DNM3: variants seen among roughly 807,000 people sequenced by gnomAD.
DNM3 encodes dynamin 3.
DNM3 carries 47 observed loss-of-function variants against 101.6 expected under a neutral mutation model. The ratio of observed to expected loss-of-function variants is 0.46; its 90% CI spans 0.37 to 0.59. DNM3 has a LOEUF of 0.59. Ranked by LOEUF, DNM3 falls within the 20% of genes least tolerant of loss-of-function variation. The probability of loss-of-function intolerance (pLI) is 0.00; values close to 1 mark genes in which losing one functional copy is unlikely to be tolerated. For synonymous variants in DNM3, 385 were observed against 387.9 expected (o/e 0.99, Z 0.09); for missense variants, 849 against 1,085.7 (o/e 0.78, Z 3.06).
chr1:172,174,773 G>T (rs1429028765), intron 14 of DNM3, among the ~76,000 whole-genome samples: 1 of 151,664 alleles, frequency 6.6e-6, no homozygotes, highest in Non-Finnish European at 1.5e-5. Context: ...TCACAAATGG[G>T]TGAAGGATAT....
intron 15 of DNM3, among the ~76,000 whole-genome samples, chr1:172,291,166 A>G (rs549214515): frequency 2.0e-5 from 3 of 152,314 alleles, no homozygotes; most frequent in East Asian, 3.9e-4. Context: ...AAAATAATTC[A>G]AGATAACTCA....
intron 14 of DNM3, among the ~76,000 whole-genome samples, chr1:172,162,409 C>T (rs904362559): frequency 1.3e-5 from 2 of 151,812 alleles, no homozygotes; most frequent in Non-Finnish European, 2.9e-5. Context: ...AAATTCTGAC[C>T]TCCTGATTAA....
At position 172,217,741 on chromosome 1, in the gene DNM3, C is replaced by A. The variant is rs186549042; in HGVS notation, c.1660-35832C>A. 7.2e-5 allele frequency among the ~76,000 whole-genome samples: 11 copies of A among 152,182 alleles called. 1 individual carries two copies. The highest frequency in any genetic ancestry group is 2.6e-4 in the African/African-American group (11 of 41,538). On this transcript the variant is annotated intron_variant, in intron 14 of 20. Coordinates refer to ENST00000627582, the MANE Select transcript of DNM3 (RefSeq NM_015569.5). The stretch of plus-strand genomic sequence containing the variant: ...CAACCAAAGTTTATTCTATGGTTGA[C>A]TTCCTCTCAGGAAAAAGACTGAGAG...
At position 172,391,216 on chromosome 1, in the gene DNM3, T is replaced by C. The variant is rs562924588; in HGVS notation, c.2522+2407T>C. Among the ~76,000 whole-genome samples the C allele has an allele frequency of 1.1e-3, 160 of 151,908 alleles. 4 individuals carry two copies. In the South Asian group the frequency reaches 0.032, roughly 31 times the overall value. On this transcript the variant is annotated intron_variant, in intron 20 of 20. Transcript: ENST00000627582. ...TTACTTGATCTGGCCATGCAAAGAGTCCCAAATTTAAAACAGAAATGAAAG... is the reference window on the plus strand; with the variant it reads ...TTACTTGATCTGGCCATGCAAAGAGCCCCAAATTTAAAACAGAAATGAAAG...
intron 14 of DNM3, among the ~76,000 whole-genome samples, chr1:172,166,355 G>C (rs554053220): frequency 6.6e-6 from 1 of 152,098 alleles, no homozygotes; most frequent in African/African-American, 2.4e-5. Flanking sequence ...TCCAATTAAT[G>C]TATATTTTTA....
At chr1:172,164,068 G>A (rs1440618777) in intron 14 of DNM3, among the ~76,000 whole-genome samples, 8 of 151,660 alleles carry the variant, frequency 5.3e-5, no homozygotes, top group African/African-American at 1.9e-4. Context: ...AATGAATGTG[G>A]GGTTGAGACT....
intron 9 of DNM3, among the ~76,000 whole-genome samples, chr1:172,047,138 T>C (rs759480089): frequency 2.6e-5 from 4 of 152,166 alleles, no homozygotes; most frequent in Non-Finnish European, 5.9e-5. Context: ...TTTGATTCCA[T>C]TGGCTATTTG....
chr1:172,003,283 A>T (rs759246701), intron 4 of DNM3, among the ~76,000 whole-genome samples: 4 of 152,036 alleles, frequency 2.6e-5, no homozygotes, highest in Non-Finnish European at 5.9e-5. Flanking sequence ...TTTCCTATGC[A>T]ATTACATCTT....
chr1:172,017,146 C>T (rs992907868), intron 4 of DNM3, among the ~76,000 whole-genome samples: 5 of 152,068 alleles, frequency 3.3e-5, no homozygotes, highest in Admixed American at 3.3e-4. Context: ...ATTACTTAGT[C>T]TGGCTAGAGG....
At chr1:172,014,039 G>C (rs1295299497) in intron 4 of DNM3, among the ~76,000 whole-genome samples, 4 of 152,064 alleles carry the variant, frequency 2.6e-5, no homozygotes, top group East Asian at 1.9e-4. Flanking sequence ...CACCAGAGTG[G>C]TATATTGTAA....
At position 172,293,301 on chromosome 1, in the gene DNM3, G is replaced by A. The variant is rs1465988301; in HGVS notation, c.1770-15427G>A. Among the ~76,000 whole-genome samples the A allele has an allele frequency of 5.3e-5, 8 of 152,136 alleles. No individual in the cohort carries two copies. In the East Asian group the frequency reaches 7.7e-4, roughly 15 times the overall value. On this transcript the variant is annotated intron_variant, in intron 15 of 20. Coordinates refer to ENST00000627582, the MANE Select transcript of DNM3 (RefSeq NM_015569.5). The stretch of plus-strand genomic sequence containing the variant: ...AAAGGTATTCTTATGAAATGTTAAT[G>A]AAAGTTACACATACAGTCAAAACAT...
Position 171,947,615 on chromosome 1 carries a change from A to G in DNM3, c.235+25794A>G, listed in dbSNP as rs553721626. On this transcript the variant is annotated intron_variant, in intron 2 of 20. Coordinates refer to ENST00000627582, the MANE Select transcript of DNM3 (RefSeq NM_015569.5). Reference sequence around the variant, plus strand: ...CAATAACTTCCCTTAATATTTATGTAGAATTTCAGAATTTCTCTAAGTTAA... The same window carrying G: ...CAATAACTTCCCTTAATATTTATGTGGAATTTCAGAATTTCTCTAAGTTAA... 2.0e-5 allele frequency among the ~76,000 whole-genome samples: 3 copies of G among 152,290 alleles called. No individual in the cohort carries two copies. In the South Asian group the frequency reaches 6.2e-4, roughly 32 times the overall value.
chr1:172,319,047 C>T (rs1429305475), intron 16 of DNM3, among the ~76,000 whole-genome samples: 4 of 151,930 alleles, frequency 2.6e-5, no homozygotes, highest in African/African-American at 4.8e-5. Context: ...GAGATATAGA[C>T]CAATGGAACA....
chr1:172,193,412 T>C (rs2059816172), intron 14 of DNM3, among the ~76,000 whole-genome samples: 1 of 152,152 alleles, frequency 6.6e-6, no homozygotes, highest in South Asian at 2.1e-4. Flanking sequence ...TTTCTATTGA[T>C]TGGAATAGTT....
chr1:172,098,694 T>A (rs1192116334), intron 13 of DNM3, among the ~76,000 whole-genome samples: 1 of 152,180 alleles, frequency 6.6e-6, no homozygotes, highest in Non-Finnish European at 1.5e-5. Context: ...TGTAAGAAAT[T>A]ATAAAAGTAT....
At chr1:172,197,017 A>T (rs2059975932) in intron 14 of DNM3, among the ~76,000 whole-genome samples, 1 of 151,740 alleles carries the variant, frequency 6.6e-6, no homozygotes, top group East Asian at 1.9e-4. Flanking sequence ...CCTAGGTTGT[A>T]TTCTAGAGTT....
intron 14 of DNM3, among the ~76,000 whole-genome samples, chr1:172,227,957 G>A (rs1197082103): frequency 6.6e-6 from 1 of 151,960 alleles, no homozygotes; most frequent in East Asian, 1.9e-4. Flanking sequence ...GTTTTATTTA[G>A]CATTTGTCTT....
At chr1:172,061,962 T>C (rs535921562) in intron 10 of DNM3, among the ~76,000 whole-genome samples, 2 of 152,282 alleles carry the variant, frequency 1.3e-5, no homozygotes, top group Non-Finnish European at 2.9e-5. Flanking sequence ...TCTAATGTAA[T>C]AGGCTTTAGT....
chr1:172,283,780 A>AAAAAAAAAAAAAAAAAAAAAAG (rs1553221113), intron 15 of DNM3, among the ~76,000 whole-genome samples: 9 of 119,100 alleles, frequency 7.6e-5, no homozygotes, highest in African/African-American at 2.7e-4. Context: ...AAAAAAAAAA[A>AAAAAAAAAAAAAAAAAAAAAAG]AAAGAAAGAA....
Sources: allele counts gnomAD v4.1 joint callset (sites outside exome capture counted in the v4.1 genomes callset), GRCh38; gene constraint gnomAD v4.1.1; transcripts MANE v1.5; gene names NCBI Gene and HGNC (gene_info 2026-07-23, HGNC 2026-07-21).